The following CFAP95 variants were observed in gnomAD, a reference collection of about 807,000 sequenced individuals.
CFAP95 encodes the protein cilia and flagella associated protein 95.
At chr9:69,870,826 G>A in the CFAP95 span, among the ~76,000 whole-genome samples, 1 of 152,162 alleles carries the variant, frequency 6.6e-6, no homozygotes, top group African/African-American at 2.4e-5. Context: ...AGGCTTCTGG[G>A]TAGAAGCGAC....
chr9:69,895,365 CTCTCTGTGTG>C, the CFAP95 span, among the ~76,000 whole-genome samples: 5 of 108,094 alleles, frequency 4.6e-5, no homozygotes, highest in African/African-American at 1.9e-4. Context: ...CTCTCTCTCT[CTCTCTGTGTG>C]TGTGTGTGTG....
At chr9:69,861,645 G>A in the CFAP95 span, among the ~76,000 whole-genome samples, 2 of 146,478 alleles carry the variant, frequency 1.4e-5, no homozygotes, top group African/African-American at 2.6e-5. Context: ...TTTCTGCTAC[G>A]TCAGGCACCA....
chr9:69,881,380 A>T, the CFAP95 span, among the ~76,000 whole-genome samples: 2 of 152,166 alleles, frequency 1.3e-5, no homozygotes, highest in African/African-American at 4.8e-5. Context: ...TTTTCTGCAT[A>T]TGGAAATCCA....
At chr9:69,888,389 T>C in the CFAP95 span, among the ~76,000 whole-genome samples, 1 of 152,086 alleles carries the variant, frequency 6.6e-6, no homozygotes, top group East Asian at 1.9e-4. Context: ...AACTCATACA[T>C]ATTGGCAGGA....
chr9:69,903,083 C>T, the CFAP95 span, among the ~76,000 whole-genome samples: 1 of 152,104 alleles, frequency 6.6e-6, no homozygotes, highest in Admixed American at 6.5e-5. Context: ...AGTCAGACTT[C>T]AGGAAAGGAT....
chr9:69,848,939 T>G, the CFAP95 span, among the ~76,000 whole-genome samples: 9 of 152,256 alleles, frequency 5.9e-5, no homozygotes, highest in East Asian at 1.7e-3. Context: ...AAAGAACTAG[T>G]CCTCTAAATG....
At chr9:69,853,641 C>A in the CFAP95 span, among the ~76,000 whole-genome samples, 41 of 152,146 alleles carry the variant, frequency 2.7e-4, no homozygotes, top group Admixed American at 6.6e-4. Flanking sequence ...AGGTTATGAA[C>A]ATTTCTGCAC....
the CFAP95 span, among the ~76,000 whole-genome samples, chr9:69,860,639 C>A: frequency 6.7e-6 from 1 of 149,584 alleles, no homozygotes; most frequent in African/African-American, 2.5e-5. Flanking sequence ...ACCCTTTTAG[C>A]AACACTTAGC....
chr9:69,888,583 A>C, the CFAP95 span, among the ~76,000 whole-genome samples: 16 of 152,198 alleles, frequency 1.1e-4, no homozygotes, highest in African/African-American at 3.9e-4. Flanking sequence ...TTTTCAAAAC[A>C]TACTACTTGA....
chr9:69,859,488 A>G, the CFAP95 span, among the ~76,000 whole-genome samples: 1 of 151,544 alleles, frequency 6.6e-6, no homozygotes, highest in East Asian at 1.9e-4. Context: ...TCTGTTCTTT[A>G]TTTGTTTGTA....
chr9:69,833,478 G>A, the CFAP95 span, among the ~76,000 whole-genome samples: 22 of 152,090 alleles, frequency 1.4e-4, no homozygotes, highest in Non-Finnish European at 3.1e-4. Context: ...CTGGGATTAC[G>A]GTGTGAGCTA....
At chr9:69,856,636 T>C in the CFAP95 span, 1 of 1,612,796 alleles carries the variant, frequency 6.2e-7, no homozygotes, top group South Asian at 1.1e-5. Context: ...CAAGGCTTTA[T>C]TGAATGAGGA....
the CFAP95 span, among the ~76,000 whole-genome samples, chr9:69,865,541 C>T: frequency 1.6e-4 from 24 of 152,208 alleles, no homozygotes; most frequent in African/African-American, 5.5e-4. Context: ...GACTCTGTTC[C>T]CCATTTCTAC....
At chr9:69,886,134 T>C in the CFAP95 span, among the ~76,000 whole-genome samples, 3 of 152,204 alleles carry the variant, frequency 2.0e-5, no homozygotes, top group African/African-American at 4.8e-5. Flanking sequence ...TCCCTGGCTG[T>C]TAGTCACTGA....
chr9:69,874,054 G>T, the CFAP95 span, among the ~76,000 whole-genome samples: 1 of 152,088 alleles, frequency 6.6e-6, no homozygotes, highest in African/African-American at 2.4e-5. Flanking sequence ...GCAAATTGTG[G>T]GTGGTGCAGG....
At chr9:69,879,099 C>A in the CFAP95 span, among the ~76,000 whole-genome samples, 1 of 152,194 alleles carries the variant, frequency 6.6e-6, no homozygotes, top group Non-Finnish European at 1.5e-5. Flanking sequence ...TTGGGAATTA[C>A]AATTCAACAT....
the CFAP95 span, among the ~76,000 whole-genome samples, chr9:69,845,634 G>A: frequency 2.0e-5 from 3 of 152,100 alleles, no homozygotes; most frequent in African/African-American, 7.3e-5. Flanking sequence ...TGGACAGAGA[G>A]TAATAAGGAT....
At chr9:69,880,887 G>T in the CFAP95 span, among the ~76,000 whole-genome samples, 1 of 152,014 alleles carries the variant, frequency 6.6e-6, no homozygotes, top group Admixed American at 6.6e-5. Context: ...TTGTAGTTTT[G>T]GTTTGCATTT....
At chr9:69,836,299 C>G in the CFAP95 span, among the ~76,000 whole-genome samples, 2 of 151,954 alleles carry the variant, frequency 1.3e-5, no homozygotes, top group Admixed American at 1.3e-4. Context: ...GCTTTCTCAA[C>G]CTTGGTACTA....
Sources: gnomAD v4.1 joint callset for allele counts (sites outside exome capture counted in the v4.1 genomes callset) on GRCh38, gnomAD v4.1.1 for gene constraint, MANE v1.5 for transcripts, NCBI Gene and HGNC (gene_info 2026-07-23, HGNC 2026-07-21) for gene names.